ADAM2: variants seen among roughly 807,000 people sequenced by gnomAD.
ADAM2 encodes the protein disintegrin and metalloproteinase domain-containing protein 2.
ADAM2 carries 101 observed loss-of-function variants against 99.3 expected under a neutral mutation model. That is an observed-to-expected ratio of 1.02 (90% CI 0.87 to 1.20). The LOEUF is 1.20. ADAM2 is among the 50% of genes most tolerant of loss of function. ADAM2 has a pLI of 0.00. For synonymous variants in ADAM2, 323 were observed against 287.6 expected, an observed-to-expected ratio of 1.12 and a Z score of -1.25; for missense variants, 948 against 878.7, an observed-to-expected ratio of 1.08 and a Z score of -1.00.
At chr8:39,749,518 T>C in intron 17 of ADAM2, 68 bp from the exon 18 acceptor site, 1 of 1,544,154 alleles carries the variant, frequency 6.5e-7, no homozygotes, top group Non-Finnish European at 8.9e-7. Context: ...AGTAGAATTA[T>C]AAAATAATAT....
chr8:39,791,152 G>C (rs1586106677), intron 7 of ADAM2, among the ~76,000 whole-genome samples: 1 of 151,828 alleles, frequency 6.6e-6, no homozygotes, highest in Non-Finnish European at 1.5e-5. Flanking sequence ...ACTTGAAAGA[G>C]CTGACCTTTC....
intron 7 of ADAM2, among the ~76,000 whole-genome samples, chr8:39,804,007 A>C (rs1804324864): frequency 6.6e-6 from 1 of 152,200 alleles, no homozygotes; most frequent in Non-Finnish European, 1.5e-5. Context: ...GTTAGACTGG[A>C]GCACCATCTC....
At chr8:39,782,518 TTTTG>T in intron 10 of ADAM2, among the ~76,000 whole-genome samples, 1 of 152,216 alleles carries the variant, frequency 6.6e-6, no homozygotes, top group Admixed American at 6.5e-5. Flanking sequence ...GGCCTAGATG[TTTTG>T]TTTGTTTTGG....
At chr8:39,834,515 A>G (rs1805740682) in intron 2 of ADAM2, among the ~76,000 whole-genome samples, 1 of 152,048 alleles carries the variant, frequency 6.6e-6, no homozygotes, top group African/African-American at 2.4e-5. Flanking sequence ...CAGGCGGATC[A>G]TGAGGTCAAG....
intron 11 of ADAM2, among the ~76,000 whole-genome samples, 179 bp from the exon 12 acceptor site, chr8:39,769,754 A>G (rs1321344219): frequency 6.6e-6 from 1 of 152,142 alleles, no homozygotes; most frequent in Non-Finnish European, 1.5e-5. Context: ...ATTTTAGTGG[A>G]AGTAAATTAC....
At chr8:39,818,958 A>G (rs946478666) in intron 6 of ADAM2, among the ~76,000 whole-genome samples, 2 of 152,088 alleles carry the variant, frequency 1.3e-5, no homozygotes, top group Non-Finnish European at 2.9e-5. Context: ...TTAATATAGC[A>G]GTATTCCTCA....
At chr8:39,811,134 C>T (rs1313865447) in intron 6 of ADAM2, among the ~76,000 whole-genome samples, 3 of 152,150 alleles carry the variant, frequency 2.0e-5, no homozygotes, top group Admixed American at 2.0e-4. Flanking sequence ...GAAATACAAG[C>T]TACCATCAGA....
Position 39,821,613 on chromosome 8 carries a change from A to T in ADAM2, c.317T>A (p.Val106Glu). 6.2e-7 allele frequency: 1 copy of T among 1,608,360 alleles called. No homozygotes were observed. Among genetic ancestry groups the T allele is most frequent in the Non-Finnish European group, 8.5e-7 (1 of 1,175,332 alleles). Residue 106 changes from valine (V) to glutamate (E), a missense_variant, in exon 5 of 21, where the codon GTG (valine) becomes GAG (glutamate). Physicochemically the swap from Val to Glu is moderately radical, Grantham distance 121 (BLOSUM62 -2). Transcript: ENST00000265708. ...GAGTCCAGTACATGTGCTAACCATC[A>T]CCACAGATTTTGGATAACCTTCAAT... ...GYIEGYPKSV[V>E]MVSTCTGLRG...
chr8:39,827,701 A>G (rs770453937), intron 3 of ADAM2, among the ~76,000 whole-genome samples: 2 of 152,116 alleles, frequency 1.3e-5, no homozygotes, highest in Non-Finnish European at 2.9e-5. Flanking sequence ...AGAAGCAGAG[A>G]GTAGAATGAT....
At chr8:39,824,736 A>T in intron 4 of ADAM2, 83 bp downstream of exon 4, 1 of 766,262 alleles carries the variant, frequency 1.3e-6, no homozygotes, top group South Asian at 1.5e-5. Flanking sequence ...CCAACACTTT[A>T]GACTCTAATA....
chr8:39,806,470 G>T (rs2129586749), intron 7 of ADAM2, among the ~76,000 whole-genome samples: 1 of 147,788 alleles, frequency 6.8e-6, no homozygotes, highest in South Asian at 2.1e-4. Flanking sequence ...TAAAAAAAAA[G>T]TTATATATAA....
chr8:39,781,834 G>A (rs1803241050), intron 10 of ADAM2, among the ~76,000 whole-genome samples: 1 of 152,172 alleles, frequency 6.6e-6, no homozygotes, highest in Non-Finnish European at 1.5e-5. Context: ...TATCGAGGTA[G>A]AGTCATTATG....
chr8:39,835,310 T>C (rs11784593), intron 2 of ADAM2, among the ~76,000 whole-genome samples: 1 of 152,214 alleles, frequency 6.6e-6, no homozygotes, highest in African/African-American at 2.4e-5. Flanking sequence ...GCTGTCTCTG[T>C]TCTACTCTAA....
intron 16 of ADAM2, among the ~76,000 whole-genome samples, chr8:39,751,665 A>C (rs1197972244): frequency 6.6e-6 from 1 of 152,198 alleles, no homozygotes; most frequent in African/African-American, 2.4e-5. Flanking sequence ...ATTACATAAA[A>C]AAAACAATTC....
At chr8:39,798,831 G>C (rs1437314164) in intron 7 of ADAM2, among the ~76,000 whole-genome samples, 1 of 152,050 alleles carries the variant, frequency 6.6e-6, no homozygotes, top group Non-Finnish European at 1.5e-5. Context: ...TTTGCATAGA[G>C]GTGTTTATAC....
At chr8:39,788,388 A>G in intron 8 of ADAM2, 137 bp from the exon 9 acceptor site, 5 of 581,862 alleles carry the variant, frequency 8.6e-6, no homozygotes, top group Non-Finnish European at 1.4e-5. Flanking sequence ...AAAGTAGATT[A>G]GTAAGTTTAA....
chr8:39,765,212 C>T (rs1802525007), intron 14 of ADAM2, among the ~76,000 whole-genome samples: 1 of 152,056 alleles, frequency 6.6e-6, no homozygotes, highest in Non-Finnish European at 1.5e-5. Flanking sequence ...TCTGTCTTCT[C>T]ATAGAGATAC....
chr8:39,830,131 AT>A (rs985494247), intron 3 of ADAM2, among the ~76,000 whole-genome samples: 49 of 152,274 alleles, frequency 3.2e-4, no homozygotes, highest in African/African-American at 1.2e-3. Context: ...CATATTTTAT[AT>A]TTTAATGTAT....
chr8:39,832,482 C>A (rs1016736131), intron 3 of ADAM2, among the ~76,000 whole-genome samples: 1 of 152,148 alleles, frequency 6.6e-6, no homozygotes, highest in African/African-American at 2.4e-5. Flanking sequence ...ACACTTTATT[C>A]TCATCTGATG....
Sources: gnomAD v4.1 joint callset for allele counts (sites outside exome capture counted in the v4.1 genomes callset) on GRCh38, gnomAD v4.1.1 for gene constraint, MANE v1.5 for transcripts, NCBI Gene and HGNC (gene_info 2026-07-23, HGNC 2026-07-21) for gene names.